SON: variants seen among roughly 807,000 people sequenced by gnomAD.
SON encodes the protein protein SON.
A neutral mutation model predicts 173.3 loss-of-function variants in SON; 4 were observed. The observed-to-expected ratio is 0.02, with a 90% CI of 0.01 to 0.05. The LOEUF (loss-of-function observed/expected upper bound fraction) is 0.05. Ranked by LOEUF, SON falls within the 10% of genes least tolerant of loss-of-function variation. SON has a pLI of 1.00. For synonymous variants in SON, 1,190 were observed against 1,105.9 expected, an observed-to-expected ratio of 1.08 and a Z score of -1.51; for missense variants, 2,626 against 3,055.3, an observed-to-expected ratio of 0.86 and a Z score of 3.31.
chr21:33,549,334 G>T (rs1342190406), intron 2 of SON, 142 bp from the exon 3 acceptor site: 1 of 612,786 alleles, frequency 1.6e-6, no homozygotes, highest in African/African-American at 1.9e-5. Context: ...TGGCCTCTCA[G>T]AGTGCTAAGA....
In SON at chr21:33,553,898, G is replaced by C; in HGVS notation, c.4667G>C (p.Ser1556Thr). Reference sequence around the variant, plus strand: ...AATACAGTGTGTGCTGCTGGTACTAGTCCTGTTGGGGAAATTGGTGAAGAG... The same window carrying C: ...AATACAGTGTGTGCTGCTGGTACTACTCCTGTTGGGGAAATTGGTGAAGAG... The part of the protein sequence containing the change: ...EHNTVCAAGT[S>T]PVGEIGEEKI... Residue 1556 changes from serine (S) to threonine (T), a missense_variant, in exon 3 of 12, where the codon AGT (serine) becomes ACT (threonine). Ser to Thr is a moderately conservative substitution (Grantham distance 58). This residue lies in a region of SON where 1,006 missense variants were observed against 895.6 expected (regional missense o/e 1.12). Transcript: ENST00000356577. 1 of 1,614,100 alleles carries C rather than the reference G, an allele frequency of 6.2e-7. No homozygotes were observed.
At chr21:33,572,663 C>A in intron 8 of SON, 1 of 1,096,126 alleles carries the variant, frequency 9.1e-7, no homozygotes, top group South Asian at 1.3e-5. Flanking sequence ...TTTTAAAAGT[C>A]TTTTAACATC....
chr21:33,572,903 G>A (rs2086318074), intron 8 of SON: 1 of 230,512 alleles, frequency 4.3e-6, no homozygotes, highest in Admixed American at 5.3e-5. Flanking sequence ...AGTGATTTCT[G>A]GGCTTTATTC....
chr21:33,570,471 T>C (rs1413593627), intron 8 of SON, among the ~76,000 whole-genome samples: 1 of 152,216 alleles, frequency 6.6e-6, no homozygotes, highest in East Asian at 1.9e-4. Flanking sequence ...CTGATGTGTA[T>C]AGTGAGTACA....
At chr21:33,562,036 C>T (rs1210551245) in intron 6 of SON, among the ~76,000 whole-genome samples, 1 of 152,052 alleles carries the variant, frequency 6.6e-6, no homozygotes, top group African/African-American at 2.4e-5. Context: ...TCCCAAAATA[C>T]AAGGGCAAAG....
intron 6 of SON, among the ~76,000 whole-genome samples, chr21:33,562,021 G>A (rs866013508): frequency 6.6e-6 from 1 of 152,072 alleles, no homozygotes; most frequent in Non-Finnish European, 1.5e-5. Flanking sequence ...TTCTAAAGAA[G>A]AGAATCCCAA....
At chr21:33,555,536 GTATT>G in intron 3 of SON, 145 bp downstream of exon 3, 1 of 722,420 alleles carries the variant, frequency 1.4e-6, no homozygotes, top group Non-Finnish European at 2.0e-6. Context: ...ACATGGTACT[GTATT>G]TAGGAACTAC....
In SON at chr21:33,575,573, T is replaced by C. The variant is rs2086381369; in HGVS notation, c.7034-23T>C. On this transcript the variant is annotated intron_variant, in intron 9 of 11. Transcript: ENST00000356577. ...TTAAAGTGGTGCTTTGAAATTTATTTAGTGAACAATTTTTTTTTAAAGGTC... is the reference window on the plus strand; with the variant it reads ...TTAAAGTGGTGCTTTGAAATTTATTCAGTGAACAATTTTTTTTTAAAGGTC... 5 of 1,585,538 alleles carry C rather than the reference T, an allele frequency of 3.2e-6. No individual in the cohort carries two copies. The African/African-American group carries it at 4.1e-5, about 13-fold the overall frequency.
At position 33,556,465 on chromosome 21, in the gene SON, C is replaced by A. The variant is rs143744688; in HGVS notation, c.6161-691C>A. ...TGGTGGCTCATACCTGTAATCCCAG[C>A]ACTTTGGGAGGCCGAGGCAGGTGGA... On this transcript the variant is annotated intron_variant, in intron 3 of 11. Transcript: ENST00000356577. Among the ~76,000 whole-genome samples the A allele has an allele frequency of 3.0e-3, 459 of 151,994 alleles. 1 individual carries two copies. Among genetic ancestry groups the A allele is most frequent in the Non-Finnish European group, 4.5e-3 (304 of 67,952 alleles).
At position 33,552,369 on chromosome 21, in the gene SON, G is replaced by A. The variant is rs1368859276; in HGVS notation, c.3138G>A (p.Glu1046=). Residue 1046 remains glutamate (E), a synonymous_variant, in exon 3 of 12, where the codon GAG becomes GAA. Coordinates refer to ENST00000356577, the MANE Select transcript of SON (RefSeq NM_138927.4). This position sits in a 1 kb window ranked among gnomAD's most constrained non-coding sequence, Gnocchi z 5.6. The stretch of plus-strand genomic sequence containing the variant: ...AGCGCTCTATGATGTCAGCCTACGA[G>A]CGCTCTATGATGTCCCCTATGGCTG... ...AYERSMMSAY[E]RSMMSPMAER... 1.9e-6 allele frequency: 3 copies of A among 1,613,570 alleles called. No homozygotes were observed. Among genetic ancestry groups the A allele is most frequent in the Non-Finnish European group, 2.5e-6 (3 of 1,179,828 alleles).
intron 2 of SON, among the ~76,000 whole-genome samples, chr21:33,549,079 G>C (rs370093718): frequency 1.3e-5 from 2 of 149,460 alleles, no homozygotes; most frequent in East Asian, 3.9e-4. Flanking sequence ...TTATACTGTG[G>C]GGTTTTTTTT....
Position 33,559,814 on chromosome 21 carries a change from A to T in SON, c.6657+39A>T. 6.2e-7 allele frequency: 1 copy of T among 1,606,592 alleles called. No individual in the cohort carries two copies. On this transcript the variant is annotated intron_variant, in intron 6 of 11. Transcript: ENST00000356577. The surrounding 1 kb of genome is among the most constrained non-coding windows in gnomAD (Gnocchi z 4.1). ...ATATTATGTATTTTTCCTTTTTTAT[A>T]CCTGAATCTGCCATTTCATTGTTAT...
In SON at chr21:33,550,473, A is replaced by G. The variant is rs751666854; in HGVS notation, c.1242A>G (p.Pro414=). 1 of 1,613,518 alleles carries G rather than the reference A, an allele frequency of 6.2e-7. No homozygotes were observed. Among genetic ancestry groups the G allele is most frequent in the Admixed American group, 1.7e-5 (1 of 59,970 alleles). The change falls in exon 3 of 12, where the codon CCA becomes CCG. Residue 414 remains proline (P), a synonymous_variant. Transcript: ENST00000356577. ...CTGGGCCCTCTGCTACCCCGGTGCC[A>G]GAGTTGCCAGGGCCCCTTTCTACCC... ...ELPGPSATPV[P]ELPGPLSTPV... is the part of the protein sequence containing the mutation.
intron 6 of SON, 121 bp from the exon 7 acceptor site, chr21:33,567,036 A>T: frequency 7.7e-6 from 4 of 520,760 alleles, no homozygotes; most frequent in Non-Finnish European, 1.4e-5. Flanking sequence ...GTTTTCCAAG[A>T]TTATTAGTAT....
rs1200069168 is a variant in SON, at chr21:33,550,352, AGTC to A, written c.1126_1128del (p.Ser376del). 2 of 1,613,992 alleles carry A rather than the reference AGTC, an allele frequency of 1.2e-6. No homozygotes were observed. Among genetic ancestry groups the A allele is most frequent in the East Asian group, 4.5e-5 (2 of 44,882 alleles). Reference sequence around the variant, plus strand: ...AAGACCACAGCGTTGGAGCTGCAGGAGTCGTCGGTGGCCTCAGCGATGGAGTTG... The same window carrying A: ...AAGACCACAGCGTTGGAGCTGCAGGAGTCGGTGGCCTCAGCGATGGAGTTG... On this transcript the variant is annotated inframe_deletion, in exon 3 of 12. Coordinates refer to ENST00000356577, the MANE Select transcript of SON (RefSeq NM_138927.4).
rs767499331 is a variant in SON at position 33,553,462 on chromosome 21, T to C, written c.4231T>C (p.Ser1411Pro). The C allele has an allele frequency of 6.2e-7, 1 of 1,614,254 alleles. No homozygotes were observed. Among genetic ancestry groups the C allele is most frequent in the Non-Finnish European group, 8.5e-7 (1 of 1,180,048 alleles). Residue 1411 changes from serine (S) to proline (P), a missense_variant, in exon 3 of 12, where the codon TCT becomes CCT. Ser to Pro is a moderately conservative substitution (Grantham distance 74). This residue lies in a region of SON where 1,006 missense variants were observed against 895.6 expected (regional missense o/e 1.12). Transcript: ENST00000356577. ...DYVTIPVPVV[S>P]ALEPSVPVLE... is the part of the protein sequence containing the mutation. Reference sequence around the variant, plus strand: ...TGTTACCATTCCTGTGCCAGTTGTTTCTGCGCTGGAGCCTTCTGTGCCTGT... The same window carrying C: ...TGTTACCATTCCTGTGCCAGTTGTTCCTGCGCTGGAGCCTTCTGTGCCTGT...
rs923655134 is a variant in SON, at chr21:33,550,503, G to T, written c.1272G>T (p.Val424=). The T allele has an allele frequency of 6.2e-7, 1 of 1,613,714 alleles. No homozygotes were observed. Among genetic ancestry groups the T allele is most frequent in the South Asian group, 1.1e-5 (1 of 91,078 alleles). ...TGCCAGGGCCCCTTTCTACCCCAGT[G>T]CCTGAGTTGCCAGGGCCCCCTGCGA... ...PELPGPLSTP[V]PELPGPPATA... is the part of the protein sequence containing the mutation. Residue 424 remains valine, a synonymous_variant, in exon 3 of 12, where the codon GTG becomes GTT. Transcript: ENST00000356577.
rs11908823 is a variant in SON at position 33,551,839 on chromosome 21, A to G, written c.2608A>G (p.Thr870Ala). ...GGATTCCCAGATGTTAGCATCTGGC[A>G]CTATGGACTCTCAAATGTTAGCTTC... ...SMDSQMLASGTMDSQMLASGT... is the reference protein window; with the variant it reads ...SMDSQMLASGAMDSQMLASGT... The change falls in exon 3 of 12, where the codon ACT (threonine) becomes GCT (alanine). Residue 870 changes from threonine to alanine, a missense_variant. Around this residue, in one of 13 missense-constraint regions of SON, gnomAD observed 366 missense variants for 448.6 expected, o/e 0.82. Coordinates refer to ENST00000356577, the MANE Select transcript of SON (RefSeq NM_138927.4). The G allele has an allele frequency of 6.3e-3, 10,231 of 1,613,680 alleles. 509 individuals are homozygous for G. The African/African-American group carries it at 0.11, about 18-fold the overall frequency.
intron 4 of SON, chr21:33,557,763 G>A: frequency 7.4e-7 from 1 of 1,345,276 alleles, no homozygotes; most frequent in Non-Finnish European, 9.7e-7. Flanking sequence ...GCTGGCCATT[G>A]CCTGAAAGGA....
Sources: allele counts gnomAD v4.1 joint callset (sites outside exome capture counted in the v4.1 genomes callset), GRCh38; gene constraint gnomAD v4.1.1; regional missense constraint gnomAD v4.1.1; non-coding constraint Gnocchi (gnomAD v3.1); transcripts MANE v1.5; gene names NCBI Gene and HGNC (gene_info 2026-07-23, HGNC 2026-07-21).